The following MAP2K1 variants were observed in gnomAD, a reference collection of about 807,000 sequenced individuals.
The protein encoded by MAP2K1 is mitogen-activated protein kinase kinase 1.
In MAP2K1, 16 loss-of-function variants were observed where a neutral mutation model predicts 46.3. That is an observed-to-expected ratio of 0.35 (90% CI 0.23 to 0.52). MAP2K1 has a LOEUF of 0.52. Ranked by LOEUF, MAP2K1 falls within the 20% of genes least tolerant of loss-of-function variation. The pLI, the probability that MAP2K1 is intolerant of heterozygous loss-of-function variation, is 0.94. For missense variants in MAP2K1, 263 were observed against 497.1 expected (o/e 0.53, Z 4.48); for synonymous variants, 183 against 185.6 (o/e 0.99, Z 0.11).
intron 3 of MAP2K1, among the ~76,000 whole-genome samples, chr15:66,442,512 T>TTCTGCATG (rs1182195354): frequency 6.6e-6 from 1 of 152,234 alleles, no homozygotes; most frequent in African/African-American, 2.4e-5. Flanking sequence ...TTCTCCCTTC[T>TTCTGCATG]TCTGCATGTC....
intron 5 of MAP2K1, among the ~76,000 whole-genome samples, chr15:66,479,069 G>A (rs1000090708): frequency 2.0e-5 from 3 of 151,912 alleles, no homozygotes; most frequent in African/African-American, 7.3e-5. Flanking sequence ...CTTTGAACAA[G>A]TTGCTGGATC....
rs1025378141 is a variant in MAP2K1, at chr15:66,461,419, G to A, written c.568+16712G>A. On this transcript the variant is annotated intron_variant, in intron 5 of 10. Transcript: ENST00000307102. ...TTGAACCTGGGAGATGGAGGTTGCA[G>A]TGAGTCAAGATTGCGCCACTGCACT... Among the ~76,000 whole-genome samples the A allele has an allele frequency of 2.0e-5, 3 of 151,914 alleles. No homozygotes were observed. The East Asian group carries it at 5.8e-4, about 29-fold the overall frequency.
chr15:66,388,962 A>C (rs940200056), intron 1 of MAP2K1, among the ~76,000 whole-genome samples: 1 of 135,294 alleles, frequency 7.4e-6, no homozygotes. Context: ...GCTGGAGTGC[A>C]ATGGTGCGAT....
chr15:66,417,620 C>G (rs777476163), intron 1 of MAP2K1, among the ~76,000 whole-genome samples: 1 of 152,130 alleles, frequency 6.6e-6, no homozygotes, highest in Non-Finnish European at 1.5e-5. Flanking sequence ...GCATTGACTT[C>G]CAGTCCTGAT....
chr15:66,489,427 T>TA, intron 9 of MAP2K1, 151 bp downstream of exon 9: 2 of 780,924 alleles, frequency 2.6e-6, no homozygotes, highest in Non-Finnish European at 4.5e-6. Context: ...ATAAGCCCTT[T>TA]TTTAGAGTGC....
chr15:66,414,861 G>A (rs2093421005), intron 1 of MAP2K1: 7 of 264,550 alleles, frequency 2.6e-5, no homozygotes, highest in South Asian at 1.8e-4. Flanking sequence ...AGCAACGATC[G>A]AGACTGTGTT....
At chr15:66,442,490 A>G (rs2093507070) in intron 3 of MAP2K1, among the ~76,000 whole-genome samples, 1 of 152,114 alleles carries the variant, frequency 6.6e-6, no homozygotes, top group Non-Finnish European at 1.5e-5. Context: ...TTTTAAGTGA[A>G]GTCAGAATTA....
chr15:66,447,210 ATT>A (rs113189634), intron 5 of MAP2K1, among the ~76,000 whole-genome samples: 29 of 142,136 alleles, frequency 2.0e-4, no homozygotes, highest in Admixed American at 4.3e-4. Context: ...TCCTGGATGC[ATT>A]TTTTTTTTTT....
intron 5 of MAP2K1, chr15:66,453,388 T>A (rs1892086135): frequency 1.5e-6 from 1 of 669,410 alleles, no homozygotes; most frequent in Non-Finnish European, 2.7e-6. Context: ...GAAAGGGAAG[T>A]CACTAGAAGG....
At chr15:66,399,452 CCT>C (rs979916781) in intron 1 of MAP2K1, among the ~76,000 whole-genome samples, 10 of 149,642 alleles carry the variant, frequency 6.7e-5, no homozygotes, top group East Asian at 3.9e-4. Flanking sequence ...CCTCCCACCC[CCT>C]CTTTTTTTTT....
At chr15:66,453,469 C>T in intron 5 of MAP2K1, 1 of 702,120 alleles carries the variant, frequency 1.4e-6, no homozygotes, top group Non-Finnish European at 2.6e-6. Context: ...CTCCAGAAGC[C>T]CTGGAAGAAT....
At chr15:66,443,682 G>A (rs1169610460) in intron 4 of MAP2K1, among the ~76,000 whole-genome samples, 1 of 152,122 alleles carries the variant, frequency 6.6e-6, no homozygotes, top group Admixed American at 6.5e-5. Context: ...TCCAGCCTGG[G>A]CAACATGATG....
At chr15:66,400,947 T>C (rs1047998967) in intron 1 of MAP2K1, among the ~76,000 whole-genome samples, 1 of 152,230 alleles carries the variant, frequency 6.6e-6, no homozygotes, top group Non-Finnish European at 1.5e-5. Context: ...AATTTTTGAA[T>C]GTATGAATAC....
At chr15:66,418,085 A>G (rs2093428644) in intron 1 of MAP2K1, among the ~76,000 whole-genome samples, 2 of 152,248 alleles carry the variant, frequency 1.3e-5, no homozygotes, top group South Asian at 4.1e-4. Flanking sequence ...GAGCGGTCCC[A>G]AGCATAGGAG....
At chr15:66,429,067 A>G (rs556820052) in intron 1 of MAP2K1, among the ~76,000 whole-genome samples, 1 of 152,298 alleles carries the variant, frequency 6.6e-6, no homozygotes, top group South Asian at 2.1e-4. Context: ...GGTGTGAGCC[A>G]GCATGCCTGG....
At chr15:66,393,824 G>A (rs1043469196) in intron 1 of MAP2K1, among the ~76,000 whole-genome samples, 6 of 152,242 alleles carry the variant, frequency 3.9e-5, no homozygotes, top group Middle Eastern at 3.4e-3. Context: ...CTCAAATACC[G>A]TATGACTTGC....
chr15:66,407,090 G>A (rs1463475577), intron 1 of MAP2K1, among the ~76,000 whole-genome samples: 2 of 152,144 alleles, frequency 1.3e-5, no homozygotes, highest in African/African-American at 4.8e-5. Flanking sequence ...CCAACATCAC[G>A]GGGTTGGGGA....
intron 1 of MAP2K1, among the ~76,000 whole-genome samples, chr15:66,390,761 A>G (rs1335006658): frequency 6.6e-6 from 1 of 152,112 alleles, no homozygotes; most frequent in African/African-American, 2.4e-5. Context: ...GGACTATGAG[A>G]CTGAGTGATC....
chr15:66,471,922 C>G (rs189952150), intron 5 of MAP2K1, among the ~76,000 whole-genome samples: 2 of 151,664 alleles, frequency 1.3e-5, no homozygotes, highest in East Asian at 3.9e-4. Flanking sequence ...ACTAAAAATA[C>G]AAAAATTAGC....
Sources: gnomAD v4.1 joint callset for allele counts (sites outside exome capture counted in the v4.1 genomes callset) on GRCh38, gnomAD v4.1.1 for gene constraint, MANE v1.5 for transcripts, NCBI Gene and HGNC (gene_info 2026-07-23, HGNC 2026-07-21) for gene names.